PHLDB2: variants seen among roughly 807,000 people sequenced by gnomAD.
PHLDB2 encodes the protein pleckstrin homology like domain family B member 2, also known as pleckstrin homology-like domain family B member 2.
A neutral mutation model predicts 123.6 loss-of-function variants in PHLDB2; 71 were observed. That is an observed-to-expected ratio of 0.57 (90% CI 0.47 to 0.70). The LOEUF (loss-of-function observed/expected upper bound fraction) is 0.70, where lower values mean the gene tolerates loss of function less well. PHLDB2 is among the 30% of genes least tolerant of loss of function. The probability of loss-of-function intolerance (pLI) is 0.00; values close to 1 mark genes in which losing one functional copy is unlikely to be tolerated. For missense variants in PHLDB2, 1,446 were observed against 1,519.5 expected (o/e 0.95, Z 0.80); for synonymous variants, 547 against 541.6 (o/e 1.01, Z -0.14).
intron 1 of PHLDB2, among the ~76,000 whole-genome samples, chr3:111,764,349 A>C (rs1038625099): frequency 6.6e-6 from 1 of 152,220 alleles, no homozygotes; most frequent in Non-Finnish European, 1.5e-5. Flanking sequence ...TGACTAAAAC[A>C]ATCCCAACAT....
rs1256468647 is a variant in PHLDB2, at chr3:111,913,876, G to A, written c.1719+174G>A. On this transcript the variant is annotated intron_variant, in intron 3 of 17. Transcript: ENST00000431670. Reference sequence around the variant, plus strand: ...AGCAAATTAGGGTGTTTACTGTAAAGTAACAAATTTGCACTGTAAAAATTG... The same window carrying A: ...AGCAAATTAGGGTGTTTACTGTAAAATAACAAATTTGCACTGTAAAAATTG... 5 of 835,002 alleles carry A rather than the reference G, an allele frequency of 6.0e-6. No homozygotes were observed. In the African/African-American group the frequency reaches 8.5e-5, roughly 14 times the overall value. The allele number at this position is 835,002 out of a possible 1,614,324, so 51.7% of individuals were successfully genotyped here.
At chr3:111,758,397 A>G (rs915801344) in intron 1 of PHLDB2, among the ~76,000 whole-genome samples, 2 of 151,930 alleles carry the variant, frequency 1.3e-5, no homozygotes, top group Non-Finnish European at 2.9e-5. Flanking sequence ...TGGGCATAGG[A>G]CCCTCCGAGC....
At chr3:111,890,900 A>AT (rs1003982247) in intron 2 of PHLDB2, among the ~76,000 whole-genome samples, 1 of 152,012 alleles carries the variant, frequency 6.6e-6, no homozygotes, top group African/African-American at 2.4e-5. Context: ...TGCTTTGGTC[A>AT]TTTTTGCCAG....
intron 1 of PHLDB2, among the ~76,000 whole-genome samples, chr3:111,775,448 G>A (rs146090013): frequency 7.9e-5 from 12 of 152,266 alleles, no homozygotes; most frequent in East Asian, 3.9e-4. Context: ...TGCAGAGCAC[G>A]TATGCTGCAG....
chr3:111,884,765 G>A lies in PHLDB2; in HGVS notation c.688G>A (p.Ala230Thr). 6.2e-7 allele frequency: 1 copy of A among 1,614,086 alleles called. No individual in the cohort carries two copies. Among genetic ancestry groups the A allele is most frequent in the Non-Finnish European group, 8.5e-7 (1 of 1,180,024 alleles). The change falls in exon 2 of 18, where the codon GCA becomes ACA. Residue 230 changes from alanine (A) to threonine (T), a missense_variant. Ala to Thr is a moderately conservative substitution (Grantham distance 58). Transcript: ENST00000431670. ...QPKLTRHKEL[A>T]SENINLRTRK... The stretch of plus-strand genomic sequence containing the variant: ...CAAGTTAACTAGACACAAGGAGCTT[G>A]CATCTGAAAACATCAATTTGAGAAC...
chr3:111,954,503 A>G (rs1168591702), intron 12 of PHLDB2, among the ~76,000 whole-genome samples: 2 of 152,202 alleles, frequency 1.3e-5, no homozygotes, highest in Admixed American at 1.3e-4. Flanking sequence ...TTGAGCTTTT[A>G]TACTTCATAG....
intron 1 of PHLDB2, among the ~76,000 whole-genome samples, chr3:111,780,524 C>A (rs972148232): frequency 6.6e-6 from 1 of 151,680 alleles, no homozygotes; most frequent in Non-Finnish European, 1.5e-5. Context: ...TTAGACTTCT[C>A]AGCCTCCAGA....
chr3:111,940,462 C>T (rs908652029), intron 7 of PHLDB2, 73 bp from the exon 8 acceptor site: 1 of 835,590 alleles, frequency 1.2e-6, no homozygotes. Flanking sequence ...TTTTTTCTCC[C>T]TTTTCTAGGA....
At chr3:111,811,764 A>T (rs1469247307) in intron 1 of PHLDB2, among the ~76,000 whole-genome samples, 1 of 152,208 alleles carries the variant, frequency 6.6e-6, no homozygotes, top group Non-Finnish European at 1.5e-5. Context: ...TTAGGCCTAC[A>T]TTCCTGACCT....
chr3:111,954,949 A>G (rs575243829), intron 12 of PHLDB2, among the ~76,000 whole-genome samples: 1 of 152,172 alleles, frequency 6.6e-6, no homozygotes, highest in East Asian at 1.9e-4. Flanking sequence ...CCTCCCCTCT[A>G]AGCAGGCTGG....
chr3:111,763,220 C>A (rs7427201), intron 1 of PHLDB2, among the ~76,000 whole-genome samples: 76,352 of 152,128 alleles, frequency 0.5, 19,768 homozygotes, highest in African/African-American at 0.62. Context: ...GTCAACTCTT[C>A]ACACACTGTT....
intron 5 of PHLDB2, among the ~76,000 whole-genome samples, chr3:111,930,445 GAGGTAGAGTTGCTGC>G (rs1228968109): frequency 6.6e-6 from 1 of 151,970 alleles, no homozygotes; most frequent in East Asian, 1.9e-4. Flanking sequence ...TTTCCATTTG[GAGGTAGAGTTGCTGC>G]AAACTCTGGT....
chr3:111,864,020 G>C (rs1206735840), intron 1 of PHLDB2, among the ~76,000 whole-genome samples: 1 of 152,154 alleles, frequency 6.6e-6, no homozygotes, highest in Non-Finnish European at 1.5e-5. Flanking sequence ...ATATAGGAAA[G>C]TTTTTAGTAT....
intron 1 of PHLDB2, among the ~76,000 whole-genome samples, chr3:111,873,021 G>T (rs1291734297): frequency 6.6e-6 from 1 of 152,146 alleles, no homozygotes. Flanking sequence ...TATCAAACAC[G>T]AATATCCCTT....
chr3:111,888,645 T>G (rs991719332), intron 2 of PHLDB2, among the ~76,000 whole-genome samples: 3 of 152,212 alleles, frequency 2.0e-5, no homozygotes, highest in Admixed American at 2.0e-4. Context: ...TACTGCCTTT[T>G]ACAAGCATAG....
At chr3:111,889,609 G>T (rs1423987783) in intron 2 of PHLDB2, among the ~76,000 whole-genome samples, 1 of 152,140 alleles carries the variant, frequency 6.6e-6, no homozygotes, top group African/African-American at 2.4e-5. Context: ...GGCTGAGGTG[G>T]CAGTATTGAT....
chr3:111,963,800 G>T lies in PHLDB2; in HGVS notation c.3077+1488G>T, dbSNP rs544072561. ...TTAAAAACAAATCTTAAGCAGAAAA[G>T]ATTTTTTAGTTTTTTACTCTTCTTT... On this transcript the variant is annotated intron_variant, in intron 13 of 17. Coordinates refer to ENST00000431670, the MANE Select transcript of PHLDB2 (RefSeq NM_001134438.2). Among the ~76,000 whole-genome samples, 7 of 152,296 alleles carry T rather than the reference G, an allele frequency of 4.6e-5. No individual in the cohort carries two copies. In the South Asian group the frequency reaches 1.5e-3, roughly 32 times the overall value.
At chr3:111,804,558 C>T (rs181832363) in intron 1 of PHLDB2, among the ~76,000 whole-genome samples, 2 of 152,310 alleles carry the variant, frequency 1.3e-5, no homozygotes, top group Admixed American at 6.5e-5. Context: ...ATACTATCTG[C>T]AGCATAAGTA....
chr3:111,883,812 G>A (rs1015648031), intron 1 of PHLDB2, among the ~76,000 whole-genome samples: 9 of 152,060 alleles, frequency 5.9e-5, no homozygotes, highest in African/African-American at 2.2e-4. Flanking sequence ...ACTTGGTTAG[G>A]GATTTGTTTC....
Sources: gnomAD v4.1 joint callset for allele counts (sites outside exome capture counted in the v4.1 genomes callset) on GRCh38, gnomAD v4.1.1 for gene constraint, MANE v1.5 for transcripts, NCBI Gene and HGNC (gene_info 2026-07-23, HGNC 2026-07-21) for gene names.